Variants in THSD7B observed in about 807,000 individuals in gnomAD.
THSD7B encodes the protein thrombospondin type-1 domain-containing protein 7B.
A neutral mutation model predicts 213.6 loss-of-function variants in THSD7B; 138 were observed. That is an observed-to-expected ratio of 0.65 (90% confidence interval 0.56 to 0.74). THSD7B has a LOEUF of 0.74. THSD7B is among the 30% of genes least tolerant of loss of function. The probability of loss-of-function intolerance (pLI) is 0.00; values close to 1 mark genes in which losing one functional copy is unlikely to be tolerated. For missense variants in THSD7B, 1,931 were observed against 1,991.5 expected, an observed-to-expected ratio of 0.97 and a Z score of 0.58; for synonymous variants, 742 against 687.0, an observed-to-expected ratio of 1.08 and a Z score of -1.25.
At chr2:137,575,376 A>G (rs1446126535) in intron 17 of THSD7B, among the ~76,000 whole-genome samples, 1 of 152,050 alleles carries the variant, frequency 6.6e-6, no homozygotes, top group East Asian at 1.9e-4. Context: ...CTTCCCCTGC[A>G]CAAAATAAGT....
chr2:137,430,604 T>A (rs1170928220), intron 14 of THSD7B, among the ~76,000 whole-genome samples: 1 of 152,252 alleles, frequency 6.6e-6, no homozygotes, highest in African/African-American at 2.4e-5. Context: ...TTTCTCTCTC[T>A]CAGTGATTCT....
intron 1 of THSD7B, among the ~76,000 whole-genome samples, chr2:136,880,943 C>G (rs1683611344): frequency 6.6e-6 from 1 of 152,162 alleles, no homozygotes; most frequent in South Asian, 2.1e-4. Flanking sequence ...ATTCACAGCT[C>G]TTTACAATTT....
chr2:137,403,019 A>G (rs1443570351), intron 12 of THSD7B, among the ~76,000 whole-genome samples: 1 of 152,186 alleles, frequency 6.6e-6, no homozygotes, highest in East Asian at 1.9e-4. Context: ...TTGAGATAAA[A>G]TGTCTTGCTG....
chr2:136,811,117 C>T (rs1365350414), intron 1 of THSD7B, among the ~76,000 whole-genome samples: 1 of 151,844 alleles, frequency 6.6e-6, no homozygotes, highest in Non-Finnish European at 1.5e-5. Context: ...TTAATCCAGG[C>T]TCTACACAGG....
intron 5 of THSD7B, among the ~76,000 whole-genome samples, chr2:137,126,835 G>A (rs1688637245): frequency 6.6e-6 from 1 of 152,076 alleles, no homozygotes; most frequent in South Asian, 2.1e-4. Context: ...ACATGTAGAA[G>A]TCATGGTAGG....
chr2:137,134,394 T>A (rs1688794041), intron 5 of THSD7B, among the ~76,000 whole-genome samples: 2 of 152,210 alleles, frequency 1.3e-5, no homozygotes, highest in South Asian at 2.1e-4. Flanking sequence ...GGTCTCCTGT[T>A]GACAGAGCCT....
At chr2:137,045,636 G>A (rs1279309784) in intron 2 of THSD7B, among the ~76,000 whole-genome samples, 1 of 152,154 alleles carries the variant, frequency 6.6e-6, no homozygotes, top group Non-Finnish European at 1.5e-5. Flanking sequence ...AATCTGATAT[G>A]CAATTCTCAT....
chr2:136,980,208 C>G (rs866085542), intron 2 of THSD7B, among the ~76,000 whole-genome samples: 1 of 152,126 alleles, frequency 6.6e-6, no homozygotes, highest in African/African-American at 2.4e-5. Flanking sequence ...TCTGGAGACC[C>G]CTGTTGGGAG....
intron 2 of THSD7B, among the ~76,000 whole-genome samples, chr2:136,926,692 T>C (rs1489775661): frequency 1.1e-4 from 7 of 65,326 alleles, no homozygotes; most frequent in Non-Finnish European, 1.7e-4. Flanking sequence ...AGACCTTATC[T>C]GAAAAAGAAA....
At chr2:136,828,636 C>T (rs1036453286) in intron 1 of THSD7B, among the ~76,000 whole-genome samples, 1 of 152,184 alleles carries the variant, frequency 6.6e-6, no homozygotes, top group Non-Finnish European at 1.5e-5. Context: ...TTTTTGCATT[C>T]TTGACACATG....
intron 15 of THSD7B, among the ~76,000 whole-genome samples, chr2:137,515,013 C>A (rs1161696022): frequency 6.6e-6 from 1 of 152,170 alleles, no homozygotes; most frequent in Non-Finnish European, 1.5e-5. Flanking sequence ...AGAGTCTTAT[C>A]TCCTGTAGAG....
intron 1 of THSD7B, among the ~76,000 whole-genome samples, chr2:136,814,687 T>A (rs1682442247): frequency 6.6e-6 from 1 of 152,196 alleles, no homozygotes; most frequent in Non-Finnish European, 1.5e-5. Flanking sequence ...CGTGGTTTTA[T>A]TGCCTTAGTA....
At chr2:136,808,224 T>C (rs7557634) in intron 1 of THSD7B, among the ~76,000 whole-genome samples, 7,246 of 152,328 alleles carry the variant, frequency 0.048, 585 homozygotes, top group African/African-American at 0.16. Flanking sequence ...ATAGTGCTTA[T>C]GTGCAGATCT....
intron 2 of THSD7B, among the ~76,000 whole-genome samples, chr2:136,971,964 A>T (rs1278897211): frequency 6.6e-6 from 1 of 152,106 alleles, no homozygotes; most frequent in Non-Finnish European, 1.5e-5. Context: ...AGTTCCAGTG[A>T]TTGCATTCAA....
intron 17 of THSD7B, among the ~76,000 whole-genome samples, chr2:137,612,592 A>C (rs1682309241): frequency 6.6e-6 from 1 of 152,174 alleles, no homozygotes; most frequent in Admixed American, 6.6e-5. Context: ...TTTTAATAAC[A>C]AATAGCAGAC....
intron 12 of THSD7B, among the ~76,000 whole-genome samples, chr2:137,383,888 G>A (rs897326444): frequency 5.3e-5 from 8 of 151,998 alleles, no homozygotes; most frequent in African/African-American, 1.7e-4. Flanking sequence ...TGAATTTCTG[G>A]CCCCCAGAAT....
rs1431926055 is a variant in THSD7B at position 137,057,127 on chromosome 2, A to C, written c.847A>C (p.Ser283Arg). ...SNERVTFKHQ[S>R]YKAHHHSKSW... ...TGAGCGAGTCACCTTTAAACATCAA[A>C]GTTACAAAGCACATCATCATTCGAA... Residue 283 changes from serine to arginine, a missense_variant, in exon 3 of 28, where the codon AGT (serine) becomes CGT (arginine). Physicochemically the swap from Ser to Arg is moderately radical, Grantham distance 110. Transcript: ENST00000409968. 1.9e-6 allele frequency: 3 copies of C among 1,613,864 alleles called. No homozygotes were observed. The African/African-American group carries it at 4.0e-5, about 22-fold the overall frequency.
At chr2:137,581,020 T>A (rs999988644) in intron 17 of THSD7B, among the ~76,000 whole-genome samples, 2 of 152,200 alleles carry the variant, frequency 1.3e-5, no homozygotes, top group African/African-American at 4.8e-5. Context: ...ATCCAAACTC[T>A]ATCAACTGGC....
chr2:137,371,246 A>C (rs1247260409), intron 12 of THSD7B, among the ~76,000 whole-genome samples: 7 of 152,150 alleles, frequency 4.6e-5, no homozygotes, highest in Admixed American at 4.6e-4. Flanking sequence ...AGAGAAGTGC[A>C]TCTTGCTCTT....
Sources: gnomAD v4.1 joint callset for allele counts (sites outside exome capture counted in the v4.1 genomes callset) on GRCh38, gnomAD v4.1.1 for gene constraint, MANE v1.5 for transcripts, NCBI Gene and HGNC (gene_info 2026-07-23, HGNC 2026-07-21) for gene names.